The following TTN variants were observed in gnomAD, a reference collection of about 807,000 sequenced individuals.
TTN encodes connectin.
Under a neutral mutation model 3,223.0 loss-of-function variants are expected in TTN, and 1,525 were observed. The observed-to-expected ratio is 0.47, with a 90% CI of 0.45 to 0.49. The LOEUF (loss-of-function observed/expected upper bound fraction) is 0.49, where lower values mean the gene tolerates loss of function less well. Among genes scored for constraint, TTN ranks in the 20% least tolerant of loss-of-function variants. The pLI, the probability that TTN is intolerant of heterozygous loss-of-function variation, is 0.00. For synonymous variants in TTN, 14,094 were observed against 15,161.0 expected (o/e 0.93, Z 5.17); for missense variants, 40,786 against 43,424.0 (o/e 0.94, Z 5.40).
chr2:178,619,555 T>TTA, intron 250 of TTN, 66 bp downstream of exon 250: 1 of 1,574,692 alleles, frequency 6.4e-7, no homozygotes, highest in Non-Finnish European at 8.6e-7. Flanking sequence ...CCTCATTAAA[T>TTA]AACTGTGAAA....
intron 54 of TTN, 38 bp from the exon 55 acceptor site, chr2:178,733,159 G>T: frequency 6.4e-7 from 1 of 1,563,140 alleles, no homozygotes; most frequent in Non-Finnish European, 8.7e-7. Flanking sequence ...GGTCAATATA[G>T]AAGAGTGCTC....
intron 155 of TTN, among the ~76,000 whole-genome samples, chr2:178,671,497 C>G (rs1361019164): frequency 6.6e-6 from 1 of 151,736 alleles, no homozygotes; most frequent in Non-Finnish European, 1.5e-5. Context: ...ATTAACAATA[C>G]TTCACTTCCT....
Position 178,621,237 on chromosome 2 carries a change from A to G in TTN, c.45481T>C (p.Ser15161Pro), listed in dbSNP as rs1191629167. ...GCAATAACGTCATATTTATCTCCAG[A>G]TTCAAGTGTCTTATCATCCCTCTTC... Reference protein sequence around the residue: ...QWKRDDKTLESGDKYDVIADG... With the variant: ...QWKRDDKTLEPGDKYDVIADG... The change falls in exon 246 of 363, where the codon TCT becomes CCT. Residue 15161 changes from serine to proline, a missense_variant. Transcript: ENST00000589042. 6.2e-7 allele frequency: 1 copy of G among 1,612,266 alleles called. No homozygotes were observed. Among genetic ancestry groups the G allele is most frequent in the Non-Finnish European group, 8.5e-7 (1 of 1,179,100 alleles).
Position 178,739,085 on chromosome 2 carries a change from A to T in TTN, c.14092+56T>A, listed in dbSNP as rs1008708431. On this transcript the variant is annotated intron_variant, in intron 48 of 362. Coordinates refer to ENST00000589042, the MANE Select transcript of TTN (RefSeq NM_001267550.2). Reference sequence around the variant, plus strand: ...TGAAAATTTAAGTGATGCAAGCTAAATCATTACAATCCAGTGAATGTTAGC... The same window carrying T: ...TGAAAATTTAAGTGATGCAAGCTAATTCATTACAATCCAGTGAATGTTAGC... 2.0e-6 allele frequency: 3 copies of T among 1,469,876 alleles called. No homozygotes were observed. The South Asian group carries it at 4.7e-5, about 23-fold the overall frequency. The allele number at this position is 1,469,876 out of a possible 1,614,324, so 91.1% of individuals were successfully genotyped here.
chr2:178,773,882 A>G lies in TTN; in HGVS notation c.7286T>C (p.Ile2429Thr), dbSNP rs148266341. The G allele has an allele frequency of 6.2e-7, 1 of 1,614,116 alleles. No individual in the cohort carries two copies. The highest frequency in any genetic ancestry group is 8.5e-7 in the Non-Finnish European group (1 of 1,179,980). ...ACTGGTGGAGAGGCCAAGGGCTGGA[A>G]TGGTGAAAGAGTAATTTCCAGCATC... ...KEDAGNYSFT[I>T]PALGLSTSGR... Residue 2429 changes from isoleucine to threonine, a missense_variant, in exon 31 of 363, where the codon ATT becomes ACT. Ile to Thr is a moderately conservative substitution (Grantham distance 89, BLOSUM62 -1). Coordinates refer to ENST00000589042, the MANE Select transcript of TTN (RefSeq NM_001267550.2).
chr2:178,693,686 G>A lies in TTN; in HGVS notation c.31517C>T (p.Pro10506Leu). Residue 10506 changes from proline to leucine, a missense_variant, in exon 119 of 363, where the codon CCC becomes CTC. Physicochemically the swap from Pro to Leu is moderately conservative, Grantham distance 98. Coordinates refer to ENST00000589042, the MANE Select transcript of TTN (RefSeq NM_001267550.2). ...HTEEEVSVTV[P>L]EVQKEIVTEE... The stretch of plus-strand genomic sequence containing the variant: ...AGTAACAATTTCCTTTTGTACCTCG[G>A]GGACTTAAAAAAATGTACATTTTAA... 2 of 1,591,698 alleles carry A rather than the reference G, an allele frequency of 1.3e-6. No individual in the cohort carries two copies. Among genetic ancestry groups the A allele is most frequent in the South Asian group, 1.1e-5 (1 of 87,092 alleles).
chr2:178,556,969 G>A lies in TTN; in HGVS notation c.88185C>T (p.Phe29395=), dbSNP rs771152214. ...AATTCTGAGTCAAGCCAGAGATGAT[G>A]AATTGAGTTTCAGTAACATTGGTGA... ...ASFTNVTETQ[F]IISGLTQNSQ... is the part of the protein sequence containing the mutation. Residue 29395 remains phenylalanine, a synonymous_variant, in exon 330 of 363, where the codon TTC becomes TTT. Coordinates refer to ENST00000589042, the MANE Select transcript of TTN (RefSeq NM_001267550.2). 6.2e-7 allele frequency: 1 copy of A among 1,613,796 alleles called. No homozygotes were observed. The highest frequency in any genetic ancestry group is 1.1e-5 in the South Asian group (1 of 91,074).
In TTN at chr2:178,756,705, T is replaced by C. The variant is rs1188200237; in HGVS notation, c.10771A>G (p.Ser3591Gly). 1 of 1,613,808 alleles carries C rather than the reference T, an allele frequency of 6.2e-7. No individual in the cohort carries two copies. Among genetic ancestry groups the C allele is most frequent in the Non-Finnish European group, 8.5e-7 (1 of 1,179,804 alleles). The part of the protein sequence containing the change: ...VADSSFTKEE[S>G]KISQKEIKSF... ...TTAATTTCCTTTTGAGATATTTTGC[T>C]CTCCTCCTTTGTGAAAGAGGAATCT... Residue 3591 changes from serine to glycine, a missense_variant, in exon 46 of 363, where the codon AGC becomes GGC. Transcript: ENST00000589042.
Position 178,567,143 on chromosome 2 carries a change from C to T in TTN, c.78989G>A (p.Ser26330Asn), listed in dbSNP as rs1427996263. The part of the protein sequence containing the change: ...SHYVVEKRET[S>N]RLAWTVVASE... Reference sequence around the variant, plus strand: ...AGCAACAACAGTCCAGGCAAGTCGACTGGTTTCTCGCTTTTCAACAACATA... The same window carrying T: ...AGCAACAACAGTCCAGGCAAGTCGATTGGTTTCTCGCTTTTCAACAACATA... The change falls in exon 326 of 363, where the codon AGT (serine) becomes AAT (asparagine). Residue 26330 changes from serine to asparagine, a missense_variant. By Grantham distance (46) the Ser-to-Asn change is conservative (BLOSUM62 1). Coordinates refer to ENST00000589042, the MANE Select transcript of TTN (RefSeq NM_001267550.2). 5.6e-6 allele frequency: 9 copies of T among 1,613,394 alleles called. No individual in the cohort carries two copies. Among genetic ancestry groups the T allele is most frequent in the South Asian group, 2.2e-5 (2 of 91,076 alleles).
Position 178,653,110 on chromosome 2 carries a change from T to C in TTN, c.38806A>G (p.Lys12936Glu). The C allele has an allele frequency of 6.2e-7, 1 of 1,612,764 alleles. No homozygotes were observed. The highest frequency in any genetic ancestry group is 8.5e-7 in the Non-Finnish European group (1 of 1,179,400). Reference sequence around the variant, plus strand: ...ACTTTCTTTTCAGGAACAACTTCTTTGGGAGCCTCTGGCACTTAAAAGATA... The same window carrying C: ...ACTTTCTTTTCAGGAACAACTTCTTCGGGAGCCTCTGGCACTTAAAAGATA... ...VPPVKVPEAP[K>E]EVVPEKKVPV... Residue 12936 changes from lysine (K) to glutamate (E), a missense_variant, in exon 199 of 363, where the codon AAA becomes GAA. Transcript: ENST00000589042.
rs371344165 is a variant in TTN at position 178,570,394 on chromosome 2, T to C, written c.75738A>G (p.Glu25246=). Residue 25246 remains glutamate, a synonymous_variant, in exon 326 of 363, where the codon GAA becomes GAG. Transcript: ENST00000589042. ...CCACAGTCCAAACTAAGCGGCTGGT[T>C]TCTCTCCTTTCCACAATATAATTTA... The part of the protein sequence containing the change: ...DIINYIVERR[E]TSRLVWTVVD... 1,419 of 1,613,120 alleles carry C rather than the reference T, an allele frequency of 8.8e-4. 2 individuals are homozygous for C. Among genetic ancestry groups the C allele is most frequent in the Non-Finnish European group, 1.1e-3 (1,274 of 1,179,552 alleles).
rs1371049844 is a variant in TTN at position 178,576,816 on chromosome 2, G to A, written c.69428C>T (p.Pro23143Leu). The A allele has an allele frequency of 5.0e-6, 8 of 1,611,746 alleles. No individual in the cohort carries two copies. Among genetic ancestry groups the A allele is most frequent in the Non-Finnish European group, 6.8e-6 (8 of 1,179,288 alleles). ...MVDRFGPPGP[P>L]EKPEVSNVTK... ...GACATTTGATACCTCTGGTTTTTCA[G>A]GAGGGCCAGGGGGACCTGAAAAGGA... is the stretch of plus-strand genomic sequence containing the variant. Residue 23143 changes from proline (P) to leucine (L), a missense_variant, in exon 325 of 363, where the codon CCT becomes CTT. Coordinates refer to ENST00000589042, the MANE Select transcript of TTN (RefSeq NM_001267550.2). The surrounding 1 kb of genome is among the most constrained non-coding windows in gnomAD (Gnocchi z 4.3).
Position 178,528,865 on chromosome 2 carries a change from T to C in TTN, c.106886A>G (p.Asn35629Ser), listed in dbSNP as rs781094190. The C allele has an allele frequency of 8.7e-6, 14 of 1,614,026 alleles. No individual in the cohort carries two copies. In the South Asian group the frequency reaches 1.2e-4, roughly 14 times the overall value. Reference protein sequence around the residue: ...NEGQRLVLKANIAGATDVKWV... With the variant: ...NEGQRLVLKASIAGATDVKWV... ...TTTCACATCAGTGGCACCAGCAATG[T>C]TGGCTTTTAAAACCAGTCTTTGACC... Residue 35629 changes from asparagine (N) to serine (S), a missense_variant, in exon 360 of 363, where the codon AAC becomes AGC. Asn to Ser is a conservative substitution (Grantham distance 46). Coordinates refer to ENST00000589042, the MANE Select transcript of TTN (RefSeq NM_001267550.2).
At position 178,572,757 on chromosome 2, in the gene TTN, C is replaced by T. The variant is rs1446425983; in HGVS notation, c.73375G>A (p.Glu24459Lys). The T allele has an allele frequency of 4.3e-6, 7 of 1,613,390 alleles. No individual in the cohort carries two copies. Among genetic ancestry groups the T allele is most frequent in the African/African-American group, 1.3e-5 (1 of 74,890 alleles). ...FVPIKGRPAP[E>K]VKWARDHGES... ...CCATGGTCCCGGGCCCACTTCACCTCAGGTGCAGGCCTTCCTTTGATGGGA... is the reference window on the plus strand; with the variant it reads ...CCATGGTCCCGGGCCCACTTCACCTTAGGTGCAGGCCTTCCTTTGATGGGA... Residue 24459 changes from glutamate (E) to lysine (K), a missense_variant, in exon 326 of 363, where the codon GAG (glutamate) becomes AAG (lysine). Coordinates refer to ENST00000589042, the MANE Select transcript of TTN (RefSeq NM_001267550.2).
intron 149 of TTN, 100 bp downstream of exon 149, chr2:178,675,571 A>ATTCGTCATTTCT: frequency 1.1e-6 from 1 of 934,226 alleles, no homozygotes; most frequent in Non-Finnish European, 1.4e-6. Context: ...TGTGAATGAC[A>ATTCGTCATTTCT]GACCATACAA....
At position 178,533,332 on chromosome 2, in the gene TTN, G is replaced by A; in HGVS notation, c.103283C>T (p.Pro34428Leu). 6.2e-7 allele frequency: 1 copy of A among 1,613,708 alleles called. No individual in the cohort carries two copies. Among genetic ancestry groups the A allele is most frequent in the Non-Finnish European group, 8.5e-7 (1 of 1,179,866 alleles). The change falls in exon 358 of 363, where the codon CCT becomes CTT. Residue 34428 changes from proline to leucine, a missense_variant. Coordinates refer to ENST00000589042, the MANE Select transcript of TTN (RefSeq NM_001267550.2). ...YYALHIRDTL[P>L]EDTGYYRVTA... is the part of the protein sequence containing the mutation. ...GACTCTATAATAACCCGTGTCTTCA[G>A]GCAAAGTGTCCCTGATGTGCAGAGC... is the stretch of plus-strand genomic sequence containing the variant.
intron 49 of TTN, among the ~76,000 whole-genome samples, chr2:178,736,840 A>G (rs982132275): frequency 2.6e-5 from 4 of 152,224 alleles, no homozygotes; most frequent in Admixed American, 2.0e-4. Context: ...TGGTTGGGTC[A>G]TCATGGGCCT....
chr2:178,722,856 C>T lies in TTN; in HGVS notation c.22043G>A (p.Gly7348Glu). Residue 7348 changes from glycine (G) to glutamate (E), a missense_variant, in exon 76 of 363, where the codon GGG becomes GAG. Transcript: ENST00000589042. Reference sequence around the variant, plus strand: ...CCAAGACACTGTAATTTCTGGTGTCCCAGCAACTTGGCATTGTAAAGAAAC... The same window carrying T: ...CCAAGACACTGTAATTTCTGGTGTCTCAGCAACTTGGCATTGTAAAGAAAC... ...DSVSLQCQVA[G>E]TPEITVSWYK... 1 of 1,612,996 alleles carries T rather than the reference C, an allele frequency of 6.2e-7. No individual in the cohort carries two copies. Among genetic ancestry groups the T allele is most frequent in the Non-Finnish European group, 8.5e-7 (1 of 1,179,464 alleles).
In TTN at chr2:178,587,708, G is replaced by A. The variant is rs764243269; in HGVS notation, c.63601C>T (p.Arg21201Ter). ...PIRLFAIVRGRPAPKVTWRKV... is the reference protein window; with the variant it reads ...PIRLFAIVRG ...CGCCAAGTGACTTTAGGGGCTGGTC[G>A]TCCTCTCACTATAGCAAAGAGACGA... The change falls in exon 306 of 363, where the codon CGA becomes TGA. Residue 21201 changes from arginine to a stop codon, truncating the protein, a stop_gained. Coordinates refer to ENST00000589042, the MANE Select transcript of TTN (RefSeq NM_001267550.2). LOFTEE classifies it high-confidence loss of function. 3.7e-6 allele frequency: 6 copies of A among 1,612,684 alleles called. No homozygotes were observed. The highest frequency in any genetic ancestry group is 2.7e-5 in the African/African-American group (2 of 74,812).
Sources: gnomAD v4.1 joint callset for allele counts (sites outside exome capture counted in the v4.1 genomes callset) on GRCh38, gnomAD v4.1.1 for gene constraint, Gnocchi (gnomAD v3.1) non-coding constraint, MANE v1.5 for transcripts, NCBI Gene and HGNC (gene_info 2026-07-23, HGNC 2026-07-21) for gene names.